Variants in ZDHHC14 observed in about 807,000 individuals in gnomAD.
ZDHHC14 encodes the protein zDHHC palmitoyltransferase 14, also known as palmitoyltransferase ZDHHC14.
In ZDHHC14, 16 loss-of-function variants were observed where a neutral mutation model predicts 47.7. That is an observed-to-expected ratio of 0.34 (90% CI 0.23 to 0.51). ZDHHC14 has a LOEUF of 0.51. Among genes scored for constraint, ZDHHC14 ranks in the 20% least tolerant of loss-of-function variants. The pLI is 0.97. For synonymous variants in ZDHHC14, 293 were observed against 278.9 expected (o/e 1.05, Z -0.50); for missense variants, 515 against 662.5 (o/e 0.78, Z 2.44).
At chr6:157,475,098 T>A (rs1779448434) in intron 1 of ZDHHC14, among the ~76,000 whole-genome samples, 2 of 152,232 alleles carry the variant, frequency 1.3e-5, no homozygotes, top group African/African-American at 4.8e-5. Flanking sequence ...TTCATGTGTA[T>A]GTACATATCC....
At chr6:157,607,173 G>A (rs576791173) in intron 3 of ZDHHC14, among the ~76,000 whole-genome samples, 1 of 152,246 alleles carries the variant, frequency 6.6e-6, no homozygotes, top group Non-Finnish European at 1.5e-5. Flanking sequence ...GGGTTCACGG[G>A]CCTCAGCGGA....
At chr6:157,465,162 T>C (rs1554259343) in intron 1 of ZDHHC14, among the ~76,000 whole-genome samples, 1 of 146,012 alleles carries the variant, frequency 6.8e-6, no homozygotes, top group Non-Finnish European at 1.5e-5. Context: ...GTTGAACCAA[T>C]GAAAAAAAAA....
chr6:157,579,291 G>T lies in ZDHHC14; in HGVS notation c.407-13697G>T, dbSNP rs559861098. Among the ~76,000 whole-genome samples, 281 of 132,652 alleles carry T rather than the reference G, an allele frequency of 2.1e-3. 1 individual carries two copies. The highest frequency in any genetic ancestry group is 7.2e-3 in the African/African-American group (254 of 35,272). The allele number at this position is 132,652 out of a possible 152,430, so 87.0% of individuals were successfully genotyped here. A position where few individuals can be genotyped will look rare whatever the true frequency, so the allele number is the denominator to read the frequency against. Reference sequence around the variant, plus strand: ...CGGCTCACTGCAAGCTCTGCCTCCCGGGTTCATGCCATTCTCCTGCCTCAG... The same window carrying T: ...CGGCTCACTGCAAGCTCTGCCTCCCTGGTTCATGCCATTCTCCTGCCTCAG... On this transcript the variant is annotated intron_variant, in intron 2 of 8. Coordinates refer to ENST00000359775, the MANE Select transcript of ZDHHC14 (RefSeq NM_024630.3).
At chr6:157,503,032 T>C (rs1169655771) in intron 1 of ZDHHC14, among the ~76,000 whole-genome samples, 1 of 152,206 alleles carries the variant, frequency 6.6e-6, no homozygotes, top group African/African-American at 2.4e-5. Context: ...AGGATGCTCT[T>C]GGTTGAAGTA....
intron 1 of ZDHHC14, among the ~76,000 whole-genome samples, chr6:157,409,004 G>A (rs1777820659): frequency 6.6e-6 from 1 of 152,178 alleles, no homozygotes; most frequent in Non-Finnish European, 1.5e-5. Context: ...GGATGGAAAA[G>A]AAAAGAAGGA....
rs1335174168 is a variant in ZDHHC14 at position 157,586,327 on chromosome 6, C to T, written c.407-6661C>T. On this transcript the variant is annotated intron_variant, in intron 2 of 8. Transcript: ENST00000359775. This position sits in a 1 kb window ranked among gnomAD's most constrained non-coding sequence, Gnocchi z 4.6. ...TTTTCACAAGAGAAGCTGGAACTGG[C>T]CCTCAAAGGATAGGATTATCTGCGC... Among the ~76,000 whole-genome samples, 2 of 152,142 alleles carry T rather than the reference C, an allele frequency of 1.3e-5. No homozygotes were observed. Among genetic ancestry groups the T allele is most frequent in the African/African-American group, 2.4e-5 (1 of 41,434 alleles).
chr6:157,576,797 G>C (rs1352949988), intron 2 of ZDHHC14, among the ~76,000 whole-genome samples: 2 of 152,224 alleles, frequency 1.3e-5, no homozygotes, highest in African/African-American at 4.8e-5. Context: ...CTGTCAGCTG[G>C]TTAATGGTCT....
At chr6:157,604,755 G>T (rs917021242) in intron 3 of ZDHHC14, among the ~76,000 whole-genome samples, 8 of 152,168 alleles carry the variant, frequency 5.3e-5, no homozygotes, top group African/African-American at 1.9e-4. Flanking sequence ...TATTGGTCAG[G>T]CTGGTCTCGA....
rs756803282 is a variant in ZDHHC14, at chr6:157,381,992, G to T, written c.-30G>T. ...CCGCGCGGCCGGGGGGCTCCTGGGGGTGTGCGCCCCCAGCCGGCTGCCCTC... is the reference window on the plus strand; with the variant it reads ...CCGCGCGGCCGGGGGGCTCCTGGGGTTGTGCGCCCCCAGCCGGCTGCCCTC... On this transcript the variant is annotated 5_prime_UTR_variant, in exon 1 of 9. Transcript: ENST00000359775. 3 of 1,317,828 alleles carry T rather than the reference G, an allele frequency of 2.3e-6. No homozygotes were observed. The highest frequency in any genetic ancestry group is 3.7e-5 in the South Asian group (2 of 54,462). The allele number at this position is 1,317,828 out of a possible 1,614,324, so 81.6% of individuals were successfully genotyped here. A position where few individuals can be genotyped will look rare whatever the true frequency, so the allele number is the denominator to read the frequency against.
At position 157,463,420 on chromosome 6, in the gene ZDHHC14, G is replaced by A. The variant is rs1032053351; in HGVS notation, c.246-79165G>A. Reference sequence around the variant, plus strand: ...TATTATTATTTTAAGACCTCCAGAGGTCTTAAAAGCACCCCAAAATGTGTA... The same window carrying A: ...TATTATTATTTTAAGACCTCCAGAGATCTTAAAAGCACCCCAAAATGTGTA... On this transcript the variant is annotated intron_variant, in intron 1 of 8. Transcript: ENST00000359775. This position sits in a 1 kb window ranked among gnomAD's most constrained non-coding sequence, Gnocchi z 4.4. Among the ~76,000 whole-genome samples, 1 of 151,986 alleles carries A rather than the reference G, an allele frequency of 6.6e-6. No homozygotes were observed. Among genetic ancestry groups the A allele is most frequent in the Admixed American group, 6.6e-5 (1 of 15,260 alleles).
At chr6:157,508,323 T>C (rs1780380637) in intron 1 of ZDHHC14, among the ~76,000 whole-genome samples, 1 of 152,224 alleles carries the variant, frequency 6.6e-6, no homozygotes, top group Admixed American at 6.5e-5. Flanking sequence ...TCTCTCTATC[T>C]GAAACTTCTT....
At chr6:157,485,633 A>T (rs971329602) in intron 1 of ZDHHC14, among the ~76,000 whole-genome samples, 5 of 152,104 alleles carry the variant, frequency 3.3e-5, no homozygotes, top group South Asian at 2.1e-4. Context: ...AAATCTTTTT[A>T]AAAATTATAT....
At chr6:157,596,419 A>G (rs371089596) in intron 3 of ZDHHC14, among the ~76,000 whole-genome samples, 2 of 152,338 alleles carry the variant, frequency 1.3e-5, no homozygotes, top group East Asian at 3.9e-4. Context: ...CAGTAAATAA[A>G]TGTCACTTTG....
intron 6 of ZDHHC14, 81 bp downstream of exon 6, chr6:157,645,920 C>CT: frequency 8.2e-7 from 1 of 1,213,306 alleles, no homozygotes; most frequent in Non-Finnish European, 1.2e-6. Flanking sequence ...AAAGGTTGAG[C>CT]CCAGCTTTTC....
chr6:157,521,467 T>C (rs943411565), intron 1 of ZDHHC14, among the ~76,000 whole-genome samples: 6 of 152,218 alleles, frequency 3.9e-5, no homozygotes, highest in African/African-American at 1.4e-4. Context: ...TTCTCACAGT[T>C]CTGGGAGGTC....
intron 3 of ZDHHC14, among the ~76,000 whole-genome samples, chr6:157,599,524 A>G (rs1784263429): frequency 6.6e-6 from 1 of 152,242 alleles, no homozygotes; most frequent in South Asian, 2.1e-4. Context: ...TATAATGAGG[A>G]TGGGAGGATG....
At chr6:157,434,560 TA>T (rs1778402447) in intron 1 of ZDHHC14, among the ~76,000 whole-genome samples, 1 of 151,014 alleles carries the variant, frequency 6.6e-6, no homozygotes, top group Non-Finnish European at 1.5e-5. Context: ...ATTTGGGTCA[TA>T]AAAACACAAT....
In ZDHHC14 at chr6:157,552,564, A is replaced by G. The variant is rs561586505; in HGVS notation, c.406+9819A>G. 5.3e-5 allele frequency among the ~76,000 whole-genome samples: 8 copies of G among 152,318 alleles called. No homozygotes were observed. In the South Asian group the frequency reaches 1.0e-3, roughly 20 times the overall value. ...AGGCAGCTCAGGAACAAAAGGAAGC[A>G]AAGGACTCAATGAGGACGGAGGAAA... On this transcript the variant is annotated intron_variant, in intron 2 of 8. Transcript: ENST00000359775.
intron 1 of ZDHHC14, among the ~76,000 whole-genome samples, chr6:157,492,948 C>T (rs571412852): frequency 4.2e-4 from 64 of 152,118 alleles, no homozygotes; most frequent in African/African-American, 1.4e-3. Flanking sequence ...GGGAAGGATA[C>T]AAGGAGATAA....
Sources: gnomAD v4.1 joint callset for allele counts (sites outside exome capture counted in the v4.1 genomes callset) on GRCh38, gnomAD v4.1.1 for gene constraint, Gnocchi (gnomAD v3.1) non-coding constraint, MANE v1.5 for transcripts, NCBI Gene and HGNC (gene_info 2026-07-23, HGNC 2026-07-21) for gene names.